The following MUC5B variants were observed in gnomAD, a reference collection of about 807,000 sequenced individuals.
MUC5B encodes mucin 5B, oligomeric mucus/gel-forming.
A neutral mutation model predicts 376.9 loss-of-function variants in MUC5B; 116 were observed. The ratio of observed to expected loss-of-function variants is 0.31; its 90% CI spans 0.26 to 0.36. The LOEUF (loss-of-function observed/expected upper bound fraction) is 0.36. Among genes scored for constraint, MUC5B ranks in the 10% least tolerant of loss-of-function variants. MUC5B has a pLI of 1.00. For missense variants in MUC5B, 7,165 were observed against 7,769.9 expected, an observed-to-expected ratio of 0.92 and a Z score of 2.93; for synonymous variants, 3,517 against 3,390.9, an observed-to-expected ratio of 1.04 and a Z score of -1.29.
chr11:1,252,489 G>C lies in MUC5B; in HGVS notation c.15010G>C (p.Ala5004Pro). The C allele has an allele frequency of 6.3e-7, 1 of 1,575,060 alleles. No homozygotes were observed. Among genetic ancestry groups the C allele is most frequent in the Non-Finnish European group, 8.6e-7 (1 of 1,162,036 alleles). Residue 5004 changes from alanine (A) to proline (P), a missense_variant, in exon 32 of 49, where the codon GCC becomes CCC. Ala to Pro is a conservative substitution (Grantham distance 27, BLOSUM62 -1). Around this residue, in one of 31 missense-constraint regions of MUC5B, gnomAD observed 730 missense variants for 592.7 expected, o/e 1.23. Transcript: ENST00000529681. Reference sequence around the variant, plus strand: ...CGCCCCGCTGTCCTCGCCCTCCCCTGCCCCTGGCTGTGACAATGCCATCCC... The same window carrying C: ...CGCCCCGCTGTCCTCGCCCTCCCCTCCCCCTGGCTGTGACAATGCCATCCC... ...SSAPLSSPSP[A>P]PGCDNAIPLR...
chr11:1,226,023 C>A (rs904670157), intron 2 of MUC5B, among the ~76,000 whole-genome samples, 182 bp from the exon 3 acceptor site: 1 of 152,268 alleles, frequency 6.6e-6, no homozygotes, highest in Admixed American at 6.5e-5. Context: ...GGCCAAAACA[C>A]AAGGGCAGCA....
chr11:1,252,287 T>C, intron 31 of MUC5B, 56 bp from the exon 32 acceptor site: 2 of 1,497,276 alleles, frequency 1.3e-6, no homozygotes, highest in South Asian at 1.3e-5. Context: ...CTCCCAGAAC[T>C]CTGGCTTACC....
At position 1,227,692 on chromosome 11, in the gene MUC5B, C is replaced by A; in HGVS notation, c.685C>A (p.Leu229Ile). ...FYAHNARLTPLQFGNLQKLDG... is the reference protein window; with the variant it reads ...FYAHNARLTPIQFGNLQKLDG... Reference sequence around the variant, plus strand: ...CCCGGCAGACGCCAGGCTGACCCCGCTCCAGTTTGGGAACCTGCAGAAGTT... The same window carrying A: ...CCCGGCAGACGCCAGGCTGACCCCGATCCAGTTTGGGAACCTGCAGAAGTT... The change falls in exon 7 of 49, where the codon CTC (leucine) becomes ATC (isoleucine). Residue 229 changes from leucine to isoleucine, a missense_variant. Leu to Ile is a conservative substitution (Grantham distance 5). Coordinates refer to ENST00000529681, the MANE Select transcript of MUC5B (RefSeq NM_002458.3). 1.4e-6 allele frequency: 1 copy of A among 722,248 alleles called. No homozygotes were observed. Among genetic ancestry groups the A allele is most frequent in the South Asian group, 1.5e-5 (1 of 67,860 alleles). The allele number at this position is 722,248 out of a possible 1,614,324, so 44.7% of individuals were successfully genotyped here.
rs748909660 is a variant in MUC5B at position 1,243,673 on chromosome 11, C to G, written c.6793C>G (p.Pro2265Ala). 32 of 1,611,452 alleles carry G rather than the reference C, an allele frequency of 2.0e-5. No homozygotes were observed. In the African/African-American group the frequency reaches 3.7e-4, roughly 19 times the overall value. ...CCCTAGCAGCAGAACCACCGAGTCA[C>G]CCCCTTCTCCAGGGACGACCACCCC... ...PHPSSRTTES[P>A]PSPGTTTPGH... The change falls in exon 31 of 49, where the codon CCC (proline) becomes GCC (alanine). Residue 2265 changes from proline (P) to alanine (A), a missense_variant. This residue lies in a region of MUC5B where 79 missense variants were observed against 63.0 expected (regional missense o/e 1.25). Coordinates refer to ENST00000529681, the MANE Select transcript of MUC5B (RefSeq NM_002458.3).
chr11:1,259,407 G>T, intron 44 of MUC5B: 1 of 490,748 alleles, frequency 2.0e-6, no homozygotes, highest in Middle Eastern at 5.7e-4. Flanking sequence ...CTGGCTCCCT[G>T]GGGTTCTCTA....
rs1807192517 is a variant in MUC5B, at chr11:1,247,602, G to C, written c.10722G>C (p.Gln3574His). Residue 3574 changes from glutamine (Q) to histidine (H), a missense_variant, in exon 31 of 49, where the codon CAG becomes CAC. By Grantham distance (24) the Gln-to-His change is conservative. Around this residue, in one of 31 missense-constraint regions of MUC5B, gnomAD observed 81 missense variants for 154.5 expected, o/e 0.52. Coordinates refer to ENST00000529681, the MANE Select transcript of MUC5B (RefSeq NM_002458.3). ...TTVVTTGCEP[Q>H]CAWSEWLDYS... Reference sequence around the variant, plus strand: ...TGGTGACCACGGGCTGTGAGCCCCAGTGTGCCTGGTCAGAGTGGCTGGACT... The same window carrying C: ...TGGTGACCACGGGCTGTGAGCCCCACTGTGCCTGGTCAGAGTGGCTGGACT... 1.9e-6 allele frequency: 3 copies of C among 1,610,692 alleles called. No individual in the cohort carries two copies. Among genetic ancestry groups the C allele is most frequent in the Non-Finnish European group, 1.7e-6 (2 of 1,179,372 alleles).
In MUC5B at chr11:1,241,141, G is replaced by A. The variant is rs1223470083; in HGVS notation, c.4261G>A (p.Glu1421Lys). Residue 1421 changes from glutamate (E) to lysine (K), a missense_variant, in exon 31 of 49, where the codon GAG becomes AAG. Glu to Lys is a moderately conservative substitution (Grantham distance 56). This residue lies in a region of MUC5B where 517 missense variants were observed against 545.3 expected (regional missense o/e 0.95). Transcript: ENST00000529681. ...GAGTCCCCCGCTCTGTCACGACTAC[G>A]AGCTGCGGGTTCTCTGCTGCGAATA... ...QQSPPLCHDY[E>K]LRVLCCEYVP... 18 of 1,609,634 alleles carry A rather than the reference G, an allele frequency of 1.1e-5. No individual in the cohort carries two copies. Among genetic ancestry groups the A allele is most frequent in the Non-Finnish European group, 1.5e-5 (18 of 1,178,232 alleles).
Position 1,242,063 on chromosome 11 carries a change from G to T in MUC5B, c.5183G>T (p.Arg1728Leu). 6.2e-7 allele frequency: 1 copy of T among 1,601,194 alleles called. No individual in the cohort carries two copies. The highest frequency in any genetic ancestry group is 8.5e-7 in the Non-Finnish European group (1 of 1,174,612). ...ACAACAATGGCAACCTCCAGAGCTC[G>T]CCCGACAGGCACAGCCAGCACCGCT... ...APTTMATSRA[R>L]PTGTASTASK... is the part of the protein sequence containing the mutation. The change falls in exon 31 of 49, where the codon CGC becomes CTC. Residue 1728 changes from arginine to leucine, a missense_variant. Transcript: ENST00000529681.
In MUC5B at chr11:1,248,824, A is replaced by C. The variant is rs747629049; in HGVS notation, c.11944A>C (p.Thr3982Pro). 3 of 1,546,140 alleles carry C rather than the reference A, an allele frequency of 1.9e-6. No homozygotes were observed. The Admixed American group carries it at 5.9e-5, about 31-fold the overall frequency. ...IPPVLTTTAT[T>P]PAATSSTVTP... ...CCCAGTGCTGACCACCACCGCCACC[A>C]CACCTGCAGCCACCAGCAGCACAGT... The change falls in exon 31 of 49, where the codon ACA (threonine) becomes CCA (proline). Residue 3982 changes from threonine (T) to proline (P), a missense_variant. This residue lies in a region of MUC5B where 47 missense variants were observed against 98.5 expected (regional missense o/e 0.48). Transcript: ENST00000529681.
intron 13 of MUC5B, among the ~76,000 whole-genome samples, 178 bp from the exon 14 acceptor site, chr11:1,231,245 C>T (rs1862021118): frequency 6.6e-6 from 1 of 152,220 alleles, no homozygotes; most frequent in African/African-American, 2.4e-5. Flanking sequence ...CCGGTCTCCA[C>T]CTGAGCCCAC....
At chr11:1,236,292 C>T in intron 23 of MUC5B, 94 bp from the exon 24 acceptor site, 3 of 1,294,056 alleles carry the variant, frequency 2.3e-6, no homozygotes, top group Non-Finnish European at 3.2e-6. Flanking sequence ...AGCCCGTGCG[C>T]ACCTGCAGAG....
chr11:1,244,685 C>T lies in MUC5B; in HGVS notation c.7805C>T (p.Thr2602Ile), dbSNP rs773901217. ...GCCACCCCCTCCTCCACCCCAGGAA[C>T]AGCTCACACTACCAAAGTGCTGACT... is the stretch of plus-strand genomic sequence containing the variant. ...SVATPSSTPGTAHTTKVLTTT... is the reference protein window; with the variant it reads ...SVATPSSTPGIAHTTKVLTTT... Residue 2602 changes from threonine (T) to isoleucine (I), a missense_variant, in exon 31 of 49, where the codon ACA becomes ATA. Coordinates refer to ENST00000529681, the MANE Select transcript of MUC5B (RefSeq NM_002458.3). 6.2e-7 allele frequency: 1 copy of T among 1,612,892 alleles called. No homozygotes were observed. The highest frequency in any genetic ancestry group is 1.7e-5 in the Admixed American group (1 of 59,978).
At chr11:1,261,313 C>A in intron 48 of MUC5B, 76 bp from the exon 49 acceptor site, 2 of 1,334,940 alleles carry the variant, frequency 1.5e-6, no homozygotes, top group Non-Finnish European at 2.1e-6. Context: ...ACCCCAGAGG[C>A]CCATGTGTCA....
In MUC5B at chr11:1,241,162, G is replaced by A. The variant is rs750155985; in HGVS notation, c.4282G>A (p.Glu1428Lys). ...HDYELRVLCC[E>K]YVPCGPSPAP... ...CTACGAGCTGCGGGTTCTCTGCTGC[G>A]AATACGTGCCCTGTGGCCCCTCCCC... The change falls in exon 31 of 49, where the codon GAA (glutamate) becomes AAA (lysine). Residue 1428 changes from glutamate to lysine, a missense_variant. Coordinates refer to ENST00000529681, the MANE Select transcript of MUC5B (RefSeq NM_002458.3). 73 of 1,603,810 alleles carry A rather than the reference G, an allele frequency of 4.6e-5. No individual in the cohort carries two copies. The Admixed American group carries it at 5.1e-4, about 11-fold the overall frequency.
intron 26 of MUC5B, 60 bp downstream of exon 26, chr11:1,239,087 G>A (rs768276977): frequency 3.3e-6 from 5 of 1,537,784 alleles, no homozygotes; most frequent in Non-Finnish European, 4.4e-6. Flanking sequence ...GGGAGGAGGT[G>A]TGGCAGCCTC....
chr11:1,228,800 C>A, intron 8 of MUC5B, 35 bp downstream of exon 8: 1 of 1,457,384 alleles, frequency 6.9e-7, no homozygotes, highest in Non-Finnish European at 9.1e-7. Flanking sequence ...AGGGATTGTG[C>A]CAGAGAGAAG....
Position 1,255,477 on chromosome 11 carries a change from C to G in MUC5B, c.15985C>G (p.Gln5329Glu), listed in dbSNP as rs1416490899. The G allele has an allele frequency of 6.3e-7, 1 of 1,587,908 alleles. No individual in the cohort carries two copies. The highest frequency in any genetic ancestry group is 1.1e-5 in the South Asian group (1 of 87,448). Residue 5329 changes from glutamine (Q) to glutamate (E), a missense_variant, in exon 37 of 49, where the codon CAG becomes GAG. This residue lies in a region of MUC5B where 842 missense variants were observed against 1,016.9 expected (regional missense o/e 0.83). Transcript: ENST00000529681. ...CAGGGGCCGCCTTGAGGTGCCCTGCCAGAGCCTGGAGGCTTACGCAGAGCT... is the reference window on the plus strand; with the variant it reads ...CAGGGGCCGCCTTGAGGTGCCCTGCGAGAGCCTGGAGGCTTACGCAGAGCT... ...HCRGRLEVPC[Q>E]SLEAYAELCR...
chr11:1,259,066 G>A lies in MUC5B; in HGVS notation c.16713+5G>A. 6.5e-7 allele frequency: 1 copy of A among 1,546,434 alleles called. No homozygotes were observed. Among genetic ancestry groups the A allele is most frequent in the Non-Finnish European group, 8.7e-7 (1 of 1,145,652 alleles). The stretch of plus-strand genomic sequence containing the variant: ...AACAATACTACCTGTCCCCAGGTGA[G>A]ACCCGAGGCACCTGCCCCCAGGTGA... On this transcript the variant is annotated splice_donor_5th_base_variant and intron_variant, in intron 44 of 48. Coordinates refer to ENST00000529681, the MANE Select transcript of MUC5B (RefSeq NM_002458.3).
rs761181494 is a variant in MUC5B, at chr11:1,242,204, C to G, written c.5324C>G (p.Thr1775Ser). ...ACGACAATGAGCCCCTTGACTAACA[C>G]CACCACCAGCCAGGGCACGACCCGC... is the stretch of plus-strand genomic sequence containing the variant. The part of the protein sequence containing the change: ...TETTMSPLTN[T>S]TTSQGTTRCQ... The change falls in exon 31 of 49, where the codon ACC (threonine) becomes AGC (serine). Residue 1775 changes from threonine (T) to serine (S), a missense_variant. By Grantham distance (58) the Thr-to-Ser change is moderately conservative. Around this residue, in one of 31 missense-constraint regions of MUC5B, gnomAD observed 897 missense variants for 779.6 expected, o/e 1.15. Coordinates refer to ENST00000529681, the MANE Select transcript of MUC5B (RefSeq NM_002458.3). 6.2e-7 allele frequency: 1 copy of G among 1,613,638 alleles called. No individual in the cohort carries two copies. The highest frequency in any genetic ancestry group is 8.5e-7 in the Non-Finnish European group (1 of 1,179,876).
Sources: gnomAD v4.1 joint callset for allele counts (sites outside exome capture counted in the v4.1 genomes callset) on GRCh38, gnomAD v4.1.1 for gene constraint, gnomAD v4.1.1 regional missense constraint, MANE v1.5 for transcripts, NCBI Gene and HGNC (gene_info 2026-07-23, HGNC 2026-07-21) for gene names.